Variants in GPC6 observed in about 807,000 individuals in gnomAD.
GPC6 encodes the protein glypican-6.
A neutral mutation model predicts 55.2 loss-of-function variants in GPC6; 14 were observed. The ratio of observed to expected loss-of-function variants is 0.25; its 90% CI spans 0.17 to 0.40. The LOEUF (loss-of-function observed/expected upper bound fraction) is 0.40, where lower values mean the gene tolerates loss of function less well. Ranked by LOEUF, GPC6 falls within the 10% of genes least tolerant of loss-of-function variation. GPC6 has a pLI of 1.00. For synonymous variants in GPC6, 278 were observed against 259.6 expected, an observed-to-expected ratio of 1.07 and a Z score of -0.68; for missense variants, 641 against 708.5, an observed-to-expected ratio of 0.90 and a Z score of 1.08.
At chr13:93,799,936 G>A (rs1462176213) in intron 2 of GPC6, among the ~76,000 whole-genome samples, 1 of 152,126 alleles carries the variant, frequency 6.6e-6, no homozygotes, top group African/African-American at 2.4e-5. Context: ...CAGAACATTT[G>A]CATGTGGTGG....
chr13:93,842,970 G>C (rs1175659491), intron 3 of GPC6, among the ~76,000 whole-genome samples: 1 of 151,642 alleles, frequency 6.6e-6, no homozygotes, highest in Non-Finnish European at 1.5e-5. Flanking sequence ...TTTATTTCTA[G>C]TATATCTCTA....
At chr13:93,318,309 C>T (rs1421263806) in intron 1 of GPC6, among the ~76,000 whole-genome samples, 1 of 150,246 alleles carries the variant, frequency 6.7e-6, no homozygotes, top group Non-Finnish European at 1.5e-5. Flanking sequence ...TACTAATGGA[C>T]CAAGAAGAAA....
rs574650876 is a variant in GPC6, at chr13:93,665,682, G to T, written c.319+120261G>T. On this transcript the variant is annotated intron_variant, in intron 2 of 8. Coordinates refer to ENST00000377047, the MANE Select transcript of GPC6 (RefSeq NM_005708.5). ...GTTGCTAAGAGAAAAAGTTTTGTAAGAGTGGGACAGAAGAGATAATGGGTT... is the reference window on the plus strand; with the variant it reads ...GTTGCTAAGAGAAAAAGTTTTGTAATAGTGGGACAGAAGAGATAATGGGTT... Among the ~76,000 whole-genome samples the T allele has an allele frequency of 2.6e-5, 4 of 152,262 alleles. 1 individual carries two copies. The highest frequency in any genetic ancestry group is 9.6e-5 in the African/African-American group (4 of 41,570).
intron 2 of GPC6, among the ~76,000 whole-genome samples, chr13:93,625,501 T>C (rs1177461823): frequency 2.0e-5 from 3 of 152,196 alleles, no homozygotes; most frequent in Admixed American, 6.5e-5. Context: ...CATTGTGTTG[T>C]GGCCTTTGTG....
At chr13:93,556,398 G>GTATATATATATATA (rs1555311039) in intron 2 of GPC6, among the ~76,000 whole-genome samples, 8 of 114,636 alleles carry the variant, frequency 7.0e-5, no homozygotes, top group African/African-American at 1.2e-4. Context: ...GTGTGTGTAT[G>GTATATATATATATA]TATGTATATG....
intron 1 of GPC6, among the ~76,000 whole-genome samples, chr13:93,525,457 G>A (rs1041345103): frequency 6.6e-6 from 1 of 152,038 alleles, no homozygotes; most frequent in Non-Finnish European, 1.5e-5. Flanking sequence ...TTTTATCTGG[G>A]AAAACTGTCA....
intron 3 of GPC6, among the ~76,000 whole-genome samples, chr13:94,009,398 C>T (rs1882150762): frequency 1.3e-5 from 2 of 152,162 alleles, no homozygotes; most frequent in Admixed American, 1.3e-4. Context: ...TGTTTCTCTA[C>T]ATGCATAATC....
At chr13:93,397,923 G>A (rs1358277821) in intron 1 of GPC6, among the ~76,000 whole-genome samples, 1 of 152,102 alleles carries the variant, frequency 6.6e-6, no homozygotes, top group African/African-American at 2.4e-5. Context: ...TCCTAACACT[G>A]TAAGATGCTG....
chr13:94,240,355 G>A (rs1407153170), intron 4 of GPC6, among the ~76,000 whole-genome samples: 1 of 151,964 alleles, frequency 6.6e-6, no homozygotes, highest in African/African-American at 2.4e-5. Flanking sequence ...TATGGAACTT[G>A]GCATCCTCCA....
In GPC6 at chr13:93,789,598, CATATATAT is replaced by C. The variant is rs755185604; in HGVS notation, c.320-40516_320-40509del. Among the ~76,000 whole-genome samples, 274 of 67,586 alleles carry C rather than the reference CATATATAT, an allele frequency of 4.1e-3. 1 individual carries two copies. The highest frequency in any genetic ancestry group is 8.1e-3 in the African/African-American group (134 of 16,472). The allele number at this position is 67,586 out of a possible 152,430, so 44.3% of individuals were successfully genotyped here. ...TAAATACTATATATATATAATACTACATATATATATATATATATATATATATATATATA... is the reference window on the plus strand; with the variant it reads ...TAAATACTATATATATATAATACTACATATATATATATATATATATATATA... On this transcript the variant is annotated intron_variant, in intron 2 of 8. Coordinates refer to ENST00000377047, the MANE Select transcript of GPC6 (RefSeq NM_005708.5).
chr13:93,652,918 C>T (rs1880481944), intron 2 of GPC6, among the ~76,000 whole-genome samples: 1 of 152,180 alleles, frequency 6.6e-6, no homozygotes, highest in East Asian at 1.9e-4. Flanking sequence ...AGTTAAGCTA[C>T]TTAAATTTGG....
At chr13:93,561,404 G>GATATATATATATATATATATCTATAT (rs1875788418) in intron 2 of GPC6, among the ~76,000 whole-genome samples, 1 of 104,666 alleles carries the variant, frequency 9.6e-6, no homozygotes, top group Non-Finnish European at 2.0e-5. Context: ...TATCCCTATC[G>GATATATATATATATATATATCTATAT]ATATATATAT....
At chr13:93,805,771 T>A (rs772728569) in intron 2 of GPC6, among the ~76,000 whole-genome samples, 3 of 152,214 alleles carry the variant, frequency 2.0e-5, no homozygotes, top group Non-Finnish European at 2.9e-5. Context: ...ATCTATCAAT[T>A]AGGTTTGGCC....
intron 4 of GPC6, among the ~76,000 whole-genome samples, chr13:94,114,014 C>CAAA (rs1886339600): frequency 1.3e-5 from 1 of 77,918 alleles, no homozygotes; most frequent in African/African-American, 7.0e-5. Flanking sequence ...AAGACTCTGT[C>CAAA]TAAAAAAAAA....
chr13:93,834,179 A>G (rs974377301), intron 3 of GPC6, among the ~76,000 whole-genome samples: 1 of 152,208 alleles, frequency 6.6e-6, no homozygotes, highest in Non-Finnish European at 1.5e-5. Flanking sequence ...AGACGTGTAG[A>G]AGAGTGTTTG....
intron 1 of GPC6, among the ~76,000 whole-genome samples, chr13:93,312,202 T>C (rs1278898529): frequency 6.6e-6 from 1 of 152,210 alleles, no homozygotes; most frequent in Non-Finnish European, 1.5e-5. Flanking sequence ...ATAAATTATC[T>C]CTTTTGTTGA....
At chr13:93,959,884 A>G (rs1263551741) in intron 3 of GPC6, among the ~76,000 whole-genome samples, 7 of 152,250 alleles carry the variant, frequency 4.6e-5, no homozygotes, top group African/African-American at 1.4e-4. Context: ...GCAGCTAGTA[A>G]GTGTCAAAGC....
At chr13:94,227,267 T>C (rs748308302) in intron 4 of GPC6, among the ~76,000 whole-genome samples, 32 of 152,168 alleles carry the variant, frequency 2.1e-4, no homozygotes, top group Admixed American at 5.2e-4. Context: ...TAAAAGGAAA[T>C]CAGTGATTTT....
intron 2 of GPC6, among the ~76,000 whole-genome samples, chr13:93,603,777 G>A (rs1878123012): frequency 1.3e-5 from 2 of 152,024 alleles, no homozygotes; most frequent in African/African-American, 2.4e-5. Context: ...TCTACAAGGG[G>A]GACACTAATA....
Sources: allele counts gnomAD v4.1 joint callset (sites outside exome capture counted in the v4.1 genomes callset), GRCh38; gene constraint gnomAD v4.1.1; transcripts MANE v1.5; gene names NCBI Gene and HGNC (gene_info 2026-07-23, HGNC 2026-07-21).